Variants in ITIH6 observed in about 807,000 individuals in gnomAD.
ITIH6 encodes inter-alpha-trypsin inhibitor heavy chain H6.
In ITIH6, 60 loss-of-function variants were observed where a neutral mutation model predicts 58.2. The observed-to-expected ratio is 1.03, with a 90% CI of 0.84 to 1.28. The LOEUF (loss-of-function observed/expected upper bound fraction) is 1.28, where lower values mean the gene tolerates loss of function less well. Ranked by LOEUF, ITIH6 falls within the 50% of genes most tolerant of loss-of-function variation. ITIH6 has a pLI of 0.00. For synonymous variants in ITIH6, 493 were observed against 417.4 expected, an observed-to-expected ratio of 1.18 and a Z score of -2.21; for missense variants, 1,290 against 1,021.1, an observed-to-expected ratio of 1.26 and a Z score of -3.59.
chrX:54,759,718 A>G, intron 7 of ITIH6, 38 bp downstream of exon 7: 18 of 1,140,988 alleles, frequency 1.6e-5, no homozygotes, highest in Non-Finnish European at 2.1e-5. Flanking sequence ...CCATATCACC[A>G]CAGCCTGCCC....
Position 54,757,440 on chromosome X carries a change from G to A in ITIH6, c.2634C>T (p.Asn878=), listed in dbSNP as rs774773302. The A allele has an allele frequency of 2.5e-6, 3 of 1,210,514 alleles. No individual in the cohort carries two copies. Among genetic ancestry groups the A allele is most frequent in the East Asian group, 3.0e-5 (1 of 33,831 alleles). The change falls in exon 8 of 13, where the codon AAC becomes AAT. Residue 878 remains asparagine, a synonymous_variant. Transcript: ENST00000218436. ...GTAGTGGGGTTTGAGGCATATGGGG[G>A]TTTGGGGTCTCAGGCTTGGAAAGTG... ...SISLSKPETP[N]PHMPQTPLPP...
chrX:54,767,963 A>G (rs376400409), intron 6 of ITIH6, among the ~76,000 whole-genome samples: 1 of 97,662 alleles, frequency 1.0e-5, no homozygotes, highest in Non-Finnish European at 2.0e-5. Flanking sequence ...TTTCTGTCTC[A>G]TTGATCTGTC....
At position 54,755,049 on chromosome X, in the gene ITIH6, T is replaced by G. The variant is rs1446986113; in HGVS notation, c.3170A>C (p.Glu1057Ala). The G allele has an allele frequency of 8.3e-7, 1 of 1,209,664 alleles. No homozygotes were observed. The highest frequency in any genetic ancestry group is 1.1e-6 in the Non-Finnish European group (1 of 894,735). Residue 1057 changes from glutamate (E) to alanine (A), a missense_variant, in exon 9 of 13, where the codon GAA becomes GCA. Coordinates refer to ENST00000218436, the MANE Select transcript of ITIH6 (RefSeq NM_198510.3). ...EILGGAGGSM[E>A]SQGSSVGLAK... ...TAACCCCACAGAACTTCCTTGAGAT[T>G]CCATGCTGCCTCCAGCTCCTCCCAG...
chrX:54,755,246 C>G, intron 8 of ITIH6, 137 bp from the exon 9 acceptor site: 2 of 475,054 alleles, frequency 4.2e-6, no homozygotes, highest in Non-Finnish European at 3.7e-6. Flanking sequence ...ATGCTCTCCA[C>G]AGCCTCTTAA....
chrX:54,796,683 CAAA>C (rs11368671), intron 2 of ITIH6, among the ~76,000 whole-genome samples: 1 of 78,411 alleles, frequency 1.3e-5, no homozygotes, highest in African/African-American at 4.5e-5. Context: ...GACTCCATGT[CAAA>C]AAAAAAAAAA....
At position 54,757,176 on chromosome X, in the gene ITIH6, T is replaced by C; in HGVS notation, c.2898A>G (p.Thr966=). 1 of 1,208,972 alleles carries C rather than the reference T, an allele frequency of 8.3e-7. No homozygotes were observed. The highest frequency in any genetic ancestry group is 1.1e-6 in the Non-Finnish European group (1 of 894,174). ...GCCTGGAGCTGTTGAGTAGGCTCAT[T>C]GTTGGAACTCCTGGCCTAGATGGTC... ...VLGPSRPGVP[T]MSLLNSSRPT... is the part of the protein sequence containing the mutation. The change falls in exon 8 of 13, where the codon ACA becomes ACG. Residue 966 remains threonine, a synonymous_variant. Transcript: ENST00000218436.
Position 54,793,816 on chromosome X carries a change from A to G in ITIH6, c.258-1780T>C, listed in dbSNP as rs374603769. Among the ~76,000 whole-genome samples the G allele has an allele frequency of 1.5e-4, 17 of 111,375 alleles. No individual in the cohort carries two copies. The East Asian group carries it at 4.3e-3, about 28-fold the overall frequency. On this transcript the variant is annotated intron_variant, in intron 2 of 12. Transcript: ENST00000218436. ...CTAGAGAATAGGGGGCTTTGAACAC[A>G]AGACTCAATGAGCTCATACAGCAGC...
At chrX:54,797,178 C>A (rs763092350) in intron 1 of ITIH6, 82 bp from the exon 2 acceptor site, 1 of 806,867 alleles carries the variant, frequency 1.2e-6, no homozygotes, top group Admixed American at 2.8e-5. Flanking sequence ...ACCCAAGATT[C>A]CTACACAGGC....
rs35679081 is a variant in ITIH6 at position 54,774,204 on chromosome X, C to CAAA, written c.787-10_787-8dup. The CAAA allele has an allele frequency of 1.4e-4, 82 of 597,080 alleles. No homozygotes were observed. The highest frequency in any genetic ancestry group is 2.5e-4 in the African/African-American group (9 of 35,461). The allele number at this position is 597,080 out of a possible 1,213,427, so 49.2% of individuals were successfully genotyped here. A position where few individuals can be genotyped will look rare whatever the true frequency, so the allele number is the denominator to read the frequency against. ...TGAAATAGTCATCGTAAATCTGGAC[C>CAAA]AAAAAAAAAAAAAAAAAAGTAGAAC... On this transcript the variant is annotated splice_region_variant and splice_polypyrimidine_tract_variant and intron_variant, in intron 5 of 12. Coordinates refer to ENST00000218436, the MANE Select transcript of ITIH6 (RefSeq NM_198510.3).
In ITIH6 at chrX:54,761,681, T is replaced by G. The variant is rs1453615546; in HGVS notation, c.904-1754A>C. On this transcript the variant is annotated intron_variant, in intron 6 of 12. Coordinates refer to ENST00000218436, the MANE Select transcript of ITIH6 (RefSeq NM_198510.3). ...GGCTAGCCAGTTTTCCCAGCACCATTTATTAAATAGGGAATCCTTTCCCCA... is the reference window on the plus strand; with the variant it reads ...GGCTAGCCAGTTTTCCCAGCACCATGTATTAAATAGGGAATCCTTTCCCCA... Among the ~76,000 whole-genome samples the G allele has an allele frequency of 2.7e-5, 3 of 111,172 alleles. No individual in the cohort carries two copies. The East Asian group carries it at 8.4e-4, about 31-fold the overall frequency.
rs1168577888 is a variant in ITIH6 at position 54,767,246 on chromosome X, C to T, written c.903+6835G>A. Reference sequence around the variant, plus strand: ...GGATCGGTGGTGATATCCCCTTTATCATTTTTTATTGTGTCTATTTGATTC... The same window carrying T: ...GGATCGGTGGTGATATCCCCTTTATTATTTTTTATTGTGTCTATTTGATTC... On this transcript the variant is annotated intron_variant, in intron 6 of 12. Transcript: ENST00000218436. Among the ~76,000 whole-genome samples the T allele has an allele frequency of 5.8e-3, 601 of 104,440 alleles. 9 individuals are homozygous for T. The highest frequency in any genetic ancestry group is 0.02 in the African/African-American group (541 of 27,191). 90.7% of individuals were successfully genotyped at this position (104,440 alleles called of 115,157 possible). A position where few individuals can be genotyped will look rare whatever the true frequency, so the allele number is the denominator to read the frequency against.
chrX:54,789,433 C>T (rs1315916346), intron 4 of ITIH6, among the ~76,000 whole-genome samples: 2 of 112,124 alleles, frequency 1.8e-5, no homozygotes, highest in Non-Finnish European at 1.9e-5. Context: ...CTCTGAGGCG[C>T]CTGCTCACAT....
Position 54,774,105 on chromosome X carries a change from G to A in ITIH6, c.879C>T (p.Ser293=), listed in dbSNP as rs1276515672. 5 of 1,181,123 alleles carry A rather than the reference G, an allele frequency of 4.2e-6. No individual in the cohort carries two copies. The African/African-American group carries it at 9.0e-5, about 21-fold the overall frequency. The change falls in exon 6 of 13, where the codon TCC becomes TCT. Residue 293 remains serine (S), a synonymous_variant. Transcript: ENST00000218436. The part of the protein sequence containing the change: ...NVVFVIDVSS[S]MFGTKMEQTK... ...CCTGTTCCATCTTGGTACCAAACAT[G>A]GAGCTGCTTACGTCAATAACAAAAA...
rs774773302 is a variant in ITIH6, at chrX:54,757,440, G to T, written c.2634C>A (p.Asn878Lys). The T allele has an allele frequency of 4.1e-6, 5 of 1,210,514 alleles. No homozygotes were observed. Among genetic ancestry groups the T allele is most frequent in the Non-Finnish European group, 4.5e-6 (4 of 894,594 alleles). ...GTAGTGGGGTTTGAGGCATATGGGG[G>T]TTTGGGGTCTCAGGCTTGGAAAGTG... ...SISLSKPETP[N>K]PHMPQTPLPP... is the part of the protein sequence containing the mutation. Residue 878 changes from asparagine to lysine, a missense_variant, in exon 8 of 13, where the codon AAC becomes AAA. Transcript: ENST00000218436.
Position 54,749,675 on chromosome X carries a change from G to C in ITIH6, c.*220C>G. ...CATGGATTTGGAGAGGGTGAGACTG[G>C]AGATGTGAAGGACCATGAAGATGCA... On this transcript the variant is annotated 3_prime_UTR_variant, in exon 13 of 13. Coordinates refer to ENST00000218436, the MANE Select transcript of ITIH6 (RefSeq NM_198510.3). The C allele has an allele frequency of 2.7e-6, 1 of 367,688 alleles. No homozygotes were observed. Among genetic ancestry groups the C allele is most frequent in the Non-Finnish European group, 4.8e-6 (1 of 210,236 alleles). The allele number at this position is 367,688 out of a possible 1,213,427, so 30.3% of individuals were successfully genotyped here. A position where few individuals can be genotyped will look rare whatever the true frequency, so the allele number is the denominator to read the frequency against.
Position 54,758,344 on chromosome X carries a change from AAGTGTGCATCCAGC to A in ITIH6, c.1716_1729del (p.Leu573ProfsTer4). 8.3e-7 allele frequency: 1 copy of A among 1,211,733 alleles called. No homozygotes were observed. The highest frequency in any genetic ancestry group is 1.1e-6 in the Non-Finnish European group (1 of 895,453). ...GCGAGTGGTGGTGTCACGAGCTTGGAAGTGTGCATCCAGCAGTTCTCCAATGGTGACATAGGCCC... is the reference window on the plus strand; with the variant it reads ...GCGAGTGGTGGTGTCACGAGCTTGGAAGTTCTCCAATGGTGACATAGGCCC... On this transcript the variant is annotated frameshift_variant, in exon 8 of 13. Coordinates refer to ENST00000218436, the MANE Select transcript of ITIH6 (RefSeq NM_198510.3). LOFTEE classifies it high-confidence loss of function.
At chrX:54,759,605 C>A (rs1456581857) in intron 7 of ITIH6, 151 bp downstream of exon 7, 6 of 441,483 alleles carry the variant, frequency 1.4e-5, no homozygotes, top group Non-Finnish European at 2.3e-5. Flanking sequence ...TGGGAGAACA[C>A]AGAGGACAAA....
At chrX:54,768,813 T>G (rs1928868773) in intron 6 of ITIH6, among the ~76,000 whole-genome samples, 1 of 104,595 alleles carries the variant, frequency 9.6e-6, no homozygotes, top group African/African-American at 3.8e-5. Context: ...CCCTTAACAT[T>G]TTTTCCTTCA....
At chrX:54,773,984 T>G in intron 6 of ITIH6, 97 bp downstream of exon 6, 1 of 469,738 alleles carries the variant, frequency 2.1e-6, no homozygotes. Flanking sequence ...CATGGGATGG[T>G]GGAATCTCTT....
Sources: allele counts gnomAD v4.1 joint callset (sites outside exome capture counted in the v4.1 genomes callset), GRCh38; gene constraint gnomAD v4.1.1; transcripts MANE v1.5; gene names NCBI Gene and HGNC (gene_info 2026-07-23, HGNC 2026-07-21).